BCAR1: variants seen among roughly 807,000 people sequenced by gnomAD.
The protein encoded by BCAR1 is BCAR1 scaffold protein, Cas family member, also known as breast cancer anti-estrogen resistance protein 1.
A neutral mutation model predicts 67.6 loss-of-function variants in BCAR1; 30 were observed. The ratio of observed to expected loss-of-function variants is 0.44; its 90% confidence interval spans 0.33 to 0.60. The LOEUF (loss-of-function observed/expected upper bound fraction) is 0.60, where lower values mean the gene tolerates loss of function less well. BCAR1 is among the 20% of genes least tolerant of loss of function. The pLI is 0.02. For synonymous variants in BCAR1, 626 were observed against 556.7 expected, an observed-to-expected ratio of 1.12 and a Z score of -1.75; for missense variants, 1,313 against 1,222.3, an observed-to-expected ratio of 1.07 and a Z score of -1.11.
chr16:75,229,500 G>A lies in BCAR1; in HGVS notation c.*11C>T. On this transcript the variant is annotated 3_prime_UTR_variant, in exon 7 of 7. Coordinates refer to ENST00000162330, the MANE Select transcript of BCAR1 (RefSeq NM_014567.5). ...CACCCCTCCCCTGCCTCCCTCCTGG[G>A]GTCACCACCCTCAGGCGGCTGCCAG... 1.3e-6 allele frequency: 2 copies of A among 1,547,406 alleles called. No homozygotes were observed. The highest frequency in any genetic ancestry group is 1.4e-5 in the African/African-American group (1 of 74,058).
At chr16:75,247,410 G>A (rs1326048458) in intron 1 of BCAR1, 5 of 153,224 alleles carry the variant, frequency 3.3e-5, no homozygotes, top group Non-Finnish European at 5.8e-5. Flanking sequence ...CCCGGGGCCC[G>A]CCTGGGCACC....
chr16:75,266,226 G>C (rs564131224), intron 1 of BCAR1: 23 of 187,124 alleles, frequency 1.2e-4, no homozygotes, highest in African/African-American at 5.5e-4. Context: ...GGCCCTGGCC[G>C]GGCTCCTAGG....
chr16:75,238,493 G>C (rs2077218916), intron 2 of BCAR1: 1 of 997,586 alleles, frequency 1.0e-6, no homozygotes, highest in African/African-American at 1.7e-5. Flanking sequence ...CCCAATGCAG[G>C]CAGGCAGCCA....
chr16:75,239,002 G>C, intron 2 of BCAR1: 9 of 985,418 alleles, frequency 9.1e-6, no homozygotes, highest in Non-Finnish European at 1.1e-5. Flanking sequence ...CACGCGGTGA[G>C]GCCCAGGGGT....
At position 75,233,998 on chromosome 16, in the gene BCAR1, C is replaced by G; in HGVS notation, c.2011-63G>C. 3.3e-6 allele frequency: 5 copies of G among 1,509,130 alleles called. No individual in the cohort carries two copies. The South Asian group carries it at 6.0e-5, about 18-fold the overall frequency. 93.5% of individuals were successfully genotyped at this position (1,509,130 alleles called of 1,614,324 possible). ...TTCTGAGCCAGAAGCACAGGCCAGC[C>G]CTGTGGCGGGCGCAGTGAGCTGAGT... On this transcript the variant is annotated intron_variant, in intron 5 of 6. Transcript: ENST00000162330.
chr16:75,251,395 G>A, intron 1 of BCAR1, 76 bp downstream of exon 1: 1 of 1,468,152 alleles, frequency 6.8e-7, no homozygotes. Context: ...GGCAGGAAAT[G>A]CCGCTCGCTT....
chr16:75,253,202 C>T (rs1410690108), upstream of BCAR1, among the ~76,000 whole-genome samples: 1 of 152,202 alleles, frequency 6.6e-6, no homozygotes, highest in African/African-American at 2.4e-5. Context: ...TGCCGGGCCC[C>T]TCCTGCACCC....
upstream of BCAR1, among the ~76,000 whole-genome samples, chr16:75,255,612 C>A (rs2077756183): frequency 6.6e-6 from 1 of 151,972 alleles, no homozygotes; most frequent in Non-Finnish European, 1.5e-5. Flanking sequence ...AGGATAATTG[C>A]TTGAACCAGG....
In BCAR1 at chr16:75,235,414, C is replaced by A. The variant is rs540154029; in HGVS notation, c.1485G>T (p.Glu495Asp). Residue 495 changes from glutamate (E) to aspartate (D), a missense_variant, in exon 5 of 7, where the codon GAG becomes GAT. By Grantham distance (45) the Glu-to-Asp change is conservative. Around this residue, in one of 2 missense-constraint regions of BCAR1, gnomAD observed 1,272 missense variants for 1,137.5 expected, o/e 1.12. Transcript: ENST00000162330. ...GGTCCTGCACCAGCGGCTCCTGTGG[C>A]TCAGAGGGGCTACGCCAGCTCCCAG... ...GATGSWRSPS[E>D]PQEPLVQDLQ... is the part of the protein sequence containing the mutation. 152 of 1,608,136 alleles carry A rather than the reference C, an allele frequency of 9.5e-5. 2 individuals are homozygous for A. In the South Asian group the frequency reaches 1.6e-3, roughly 17 times the overall value.
chr16:75,248,295 G>C, intron 1 of BCAR1: 2 of 1,409,890 alleles, frequency 1.4e-6, no homozygotes, highest in Non-Finnish European at 9.2e-7. Flanking sequence ...CCAGCACAGA[G>C]CCTCGCACAT....
chr16:75,260,150 T>G (rs761973228), intron 1 of BCAR1, among the ~76,000 whole-genome samples: 12 of 151,960 alleles, frequency 7.9e-5, no homozygotes, highest in African/African-American at 1.2e-4. Context: ...GCCGAGATCC[T>G]GTCACTGCAC....
chr16:75,233,795 C>T, intron 6 of BCAR1, 51 bp downstream of exon 6: 1 of 1,533,286 alleles, frequency 6.5e-7, no homozygotes. Flanking sequence ...GAGCTGGGGG[C>T]TCAGGGGGTC....
Position 75,236,069 on chromosome 16 carries a change from C to CAT in BCAR1, c.913-84_913-83insAT, listed in dbSNP as rs972230164. Reference sequence around the variant, plus strand: ...TGGGGGCAGCACCCAGCCACACACACACACACACGTACACACATACAGACA... The same window carrying CAT: ...TGGGGGCAGCACCCAGCCACACACACATACACACACGTACACACATACAGACA... On this transcript the variant is annotated intron_variant, in intron 4 of 6. Coordinates refer to ENST00000162330, the MANE Select transcript of BCAR1 (RefSeq NM_014567.5). 5 of 1,478,498 alleles carry CAT rather than the reference C, an allele frequency of 3.4e-6. No individual in the cohort carries two copies. In the African/African-American group the frequency reaches 7.0e-5, roughly 21 times the overall value. The allele number at this position is 1,478,498 out of a possible 1,614,324, so 91.6% of individuals were successfully genotyped here.
At chr16:75,246,199 G>A (rs1457151643) in intron 1 of BCAR1, 2 of 151,946 alleles carry the variant, frequency 1.3e-5, no homozygotes, top group Admixed American at 6.6e-5. Flanking sequence ...TCAAACTCTT[G>A]GGCTCAAGTG....
chr16:75,254,811 G>A (rs1489429107), upstream of BCAR1, among the ~76,000 whole-genome samples: 2 of 152,046 alleles, frequency 1.3e-5, no homozygotes, highest in African/African-American at 4.8e-5. Context: ...CTCAGGGCCT[G>A]GAATAGCTGT....
In BCAR1 at chr16:75,235,694, C is replaced by T. The variant is rs554334822; in HGVS notation, c.1205G>A (p.Gly402Asp). The T allele has an allele frequency of 3.4e-5, 54 of 1,611,534 alleles. No individual in the cohort carries two copies. The East Asian group carries it at 1.2e-3, about 36-fold the overall frequency. Reference sequence around the variant, plus strand: ...ATACACACCACTGTCGACCACGCCACCATCAGCCACCTCAGGAGGAAGCAC... The same window carrying T: ...ATACACACCACTGTCGACCACGCCATCATCAGCCACCTCAGGAGGAAGCAC... Reference protein sequence around the residue: ...ERVLPPEVADGGVVDSGVYAV... With the variant: ...ERVLPPEVADDGVVDSGVYAV... The change falls in exon 5 of 7, where the codon GGT (glycine) becomes GAT (aspartate). Residue 402 changes from glycine to aspartate, a missense_variant. Gly to Asp is a moderately conservative substitution (Grantham distance 94). Transcript: ENST00000162330.
chr16:75,236,624 C>T, intron 4 of BCAR1: 1 of 562,166 alleles, frequency 1.8e-6, no homozygotes, highest in Non-Finnish European at 2.9e-6. Flanking sequence ...GATGACACAT[C>T]CCGTGGTCAC....
chr16:75,245,391 C>G (rs1357441809), intron 1 of BCAR1, among the ~76,000 whole-genome samples: 1 of 152,190 alleles, frequency 6.6e-6, no homozygotes, highest in Admixed American at 6.5e-5. Context: ...GACCGCCCCG[C>G]GAAGGCCCCT....
intron 2 of BCAR1, among the ~76,000 whole-genome samples, chr16:75,240,672 G>C (rs904788259): frequency 6.6e-6 from 1 of 152,182 alleles, no homozygotes. Flanking sequence ...CATTGCTTTT[G>C]TGATCATAAA....
Sources: gnomAD v4.1 joint callset for allele counts (sites outside exome capture counted in the v4.1 genomes callset) on GRCh38, gnomAD v4.1.1 for gene constraint, gnomAD v4.1.1 regional missense constraint, MANE v1.5 for transcripts, NCBI Gene and HGNC (gene_info 2026-07-23, HGNC 2026-07-21) for gene names.